The following FA2H variants were observed in gnomAD, a reference collection of about 807,000 sequenced individuals.
The protein encoded by FA2H is fatty acid alpha-hydroxylase.
A neutral mutation model predicts 44.9 loss-of-function variants in FA2H; 22 were observed. That is an observed-to-expected ratio of 0.49 (90% confidence interval 0.35 to 0.70). FA2H has a LOEUF of 0.70. Ranked by LOEUF, FA2H falls within the 30% of genes least tolerant of loss-of-function variation. The pLI is 0.01. For synonymous variants in FA2H, 243 were observed against 213.2 expected, an observed-to-expected ratio of 1.14 and a Z score of -1.22; for missense variants, 501 against 504.9, an observed-to-expected ratio of 0.99 and a Z score of 0.07.
chr16:74,727,534 C>G, intron 2 of FA2H, 148 bp from the exon 3 acceptor site: 1 of 849,444 alleles, frequency 1.2e-6, no homozygotes, highest in Non-Finnish European at 1.9e-6. Flanking sequence ...CTTCAGTGAT[C>G]AAGAACTGAC....
intron 1 of FA2H, among the ~76,000 whole-genome samples, chr16:74,767,938 A>C: frequency 6.6e-6 from 1 of 152,142 alleles, no homozygotes; most frequent in South Asian, 2.1e-4. Flanking sequence ...CAGGCCATGC[A>C]AGGTAAGGTG....
intron 3 of FA2H, among the ~76,000 whole-genome samples, chr16:74,726,984 A>C (rs931981812): frequency 6.6e-6 from 1 of 152,232 alleles, no homozygotes; most frequent in African/African-American, 2.4e-5. Context: ...CGTGGGCAAG[A>C]AACTCCTCAT....
rs1195081506 is a variant in FA2H, at chr16:74,759,775, C to T, written c.270+14711G>A. Among the ~76,000 whole-genome samples the T allele has an allele frequency of 2.6e-5, 4 of 152,316 alleles. No homozygotes were observed. In the East Asian group the frequency reaches 5.8e-4, roughly 22 times the overall value. On this transcript the variant is annotated intron_variant, in intron 1 of 6. Transcript: ENST00000219368. ...ATACTGTCTGGCAGTGCAGCCAGGG[C>T]CTCGCCTGCCCTATTTCACCTGGAC...
rs747337014 is a variant in FA2H at position 74,716,378 on chromosome 16, G to A, written c.1008C>T (p.His336=). 1.9e-5 allele frequency: 31 copies of A among 1,613,882 alleles called. No individual in the cohort carries two copies. The highest frequency in any genetic ancestry group is 7.7e-5 in the South Asian group (7 of 91,084). Residue 336 remains histidine (H), a synonymous_variant, in exon 6 of 7, where the codon CAC becomes CAT. Coordinates refer to ENST00000219368, the MANE Select transcript of FA2H (RefSeq NM_024306.5). ...GSYLYSLKAH[H]VKHHFAHQKS... ...TCTGATGTGCAAAGTGGTGCTTGAC[G>A]TGGTGGGCCTTCAGGCTGTACAGGT...
At chr16:74,714,406 G>A in intron 6 of FA2H, 137 bp from the exon 7 acceptor site, 1 of 699,656 alleles carries the variant, frequency 1.4e-6, no homozygotes, top group South Asian at 1.5e-5. Context: ...CAACTCCCGA[G>A]GCCATTCTGG....
chr16:74,750,471 T>C (rs906750139), intron 1 of FA2H, among the ~76,000 whole-genome samples: 2 of 152,208 alleles, frequency 1.3e-5, no homozygotes, highest in Admixed American at 1.3e-4. Context: ...TGCCACTGTT[T>C]ACAAAATGGC....
intron 1 of FA2H, chr16:74,741,287 C>T (rs1962289564): frequency 6.6e-6 from 1 of 152,222 alleles, no homozygotes; most frequent in East Asian, 1.9e-4. Context: ...GGCCAAGAGG[C>T]TACTGTCATG....
At chr16:74,725,826 T>G (rs1325566520) in intron 4 of FA2H, 1 of 341,570 alleles carries the variant, frequency 2.9e-6, no homozygotes, top group East Asian at 7.6e-5. Flanking sequence ...TAATCTGTGC[T>G]GGGTTCATAG....
intron 1 of FA2H, among the ~76,000 whole-genome samples, chr16:74,768,209 C>T (rs1962843633): frequency 6.6e-6 from 1 of 152,164 alleles, no homozygotes; most frequent in Admixed American, 6.5e-5. Flanking sequence ...TCTAGGAATC[C>T]TGTTTGTTTC....
intron 1 of FA2H, among the ~76,000 whole-genome samples, chr16:74,751,903 A>G (rs1056122453): frequency 7.9e-5 from 12 of 152,166 alleles, no homozygotes; most frequent in Non-Finnish European, 1.2e-4. Flanking sequence ...CAAAATCTCT[A>G]CTGATGTTTC....
chr16:74,773,462 C>T (rs1316708989), intron 1 of FA2H, among the ~76,000 whole-genome samples: 1 of 152,146 alleles, frequency 6.6e-6, no homozygotes, highest in Non-Finnish European at 1.5e-5. Flanking sequence ...GGGGGAACTA[C>T]TGTATATCTA....
At chr16:74,737,025 G>A (rs2144629978) in intron 2 of FA2H, among the ~76,000 whole-genome samples, 1 of 152,300 alleles carries the variant, frequency 6.6e-6, no homozygotes, top group Admixed American at 6.5e-5. Flanking sequence ...GGCACACAGT[G>A]AGGGCTCAGT....
intron 4 of FA2H, among the ~76,000 whole-genome samples, chr16:74,721,333 A>G (rs1597542433): frequency 6.6e-6 from 1 of 151,806 alleles, no homozygotes; most frequent in Non-Finnish European, 1.5e-5. Context: ...ATGCCCAACT[A>G]ATTTTTGTAT....
At chr16:74,737,617 C>T (rs1265495787) in intron 2 of FA2H, among the ~76,000 whole-genome samples, 5 of 152,160 alleles carry the variant, frequency 3.3e-5, no homozygotes, top group Non-Finnish European at 5.9e-5. Flanking sequence ...CTGTCCCCAC[C>T]TTCTAGGGCC....
In FA2H at chr16:74,735,276, G is replaced by A. The variant is rs373850076; in HGVS notation, c.363+4747C>T. 2.6e-5 allele frequency among the ~76,000 whole-genome samples: 4 copies of A among 152,276 alleles called. No homozygotes were observed. In the East Asian group the frequency reaches 7.7e-4, roughly 29 times the overall value. ...CCTCACAGCCAGCAGCGGTCAGTGG[G>A]GGCAGTGAGGTGGGGCTCTTGGTGG... On this transcript the variant is annotated intron_variant, in intron 2 of 6. Transcript: ENST00000219368.
At chr16:74,774,066 C>T (rs1356965613) in intron 1 of FA2H, among the ~76,000 whole-genome samples, 1 of 152,020 alleles carries the variant, frequency 6.6e-6, no homozygotes, top group Non-Finnish European at 1.5e-5. Context: ...ACAGGTTGAG[C>T]CCATTATCCA....
At chr16:74,751,414 A>G (rs1962524017) in intron 1 of FA2H, among the ~76,000 whole-genome samples, 1 of 152,020 alleles carries the variant, frequency 6.6e-6, no homozygotes, top group Non-Finnish European at 1.5e-5. Flanking sequence ...CATTTCTTCA[A>G]TTAGCAAAGT....
intron 1 of FA2H, among the ~76,000 whole-genome samples, chr16:74,765,564 T>TATTA (rs1401847528): frequency 6.6e-6 from 1 of 152,222 alleles, no homozygotes; most frequent in Admixed American, 6.5e-5. Flanking sequence ...AACATTTATT[T>TATTA]ATTCATTCAT....
chr16:74,751,761 C>G (rs1021447235), intron 1 of FA2H, among the ~76,000 whole-genome samples: 4 of 152,158 alleles, frequency 2.6e-5, no homozygotes, highest in African/African-American at 9.7e-5. Flanking sequence ...GGCTGGGACA[C>G]AGCTCTAGAC....
Sources: gnomAD v4.1 joint callset for allele counts (sites outside exome capture counted in the v4.1 genomes callset) on GRCh38, gnomAD v4.1.1 for gene constraint, MANE v1.5 for transcripts, NCBI Gene and HGNC (gene_info 2026-07-23, HGNC 2026-07-21) for gene names.